EBF4: variants seen among roughly 807,000 people sequenced by gnomAD.
EBF4 encodes transcription factor COE4.
Under a neutral mutation model 67.1 loss-of-function variants are expected in EBF4, and 34 were observed. The ratio of observed to expected loss-of-function variants is 0.51; its 90% CI spans 0.39 to 0.67. The LOEUF (loss-of-function observed/expected upper bound fraction) is 0.67. EBF4 is among the 30% of genes least tolerant of loss of function. The probability of loss-of-function intolerance (pLI) is 0.00; values close to 1 mark genes in which losing one functional copy is unlikely to be tolerated. For missense variants in EBF4, 837 were observed against 873.3 expected (o/e 0.96, Z 0.52); for synonymous variants, 387 against 377.7 (o/e 1.02, Z -0.29).
At chr20:2,760,102 G>A (rs1207276400), downstream of EBF4, 3 of 152,208 alleles carry the variant, frequency 2.0e-5, no homozygotes, top group African/African-American at 7.2e-5. This position sits in a 1 kb window ranked among gnomAD's most constrained non-coding sequence, Gnocchi z 4.2. Flanking sequence ...CTGCCTCCTT[G>A]GTGTGAGTTT....
chr20:2,721,821 T>C (rs980085693), intron 6 of EBF4, among the ~76,000 whole-genome samples: 4 of 152,356 alleles, frequency 2.6e-5, no homozygotes, highest in African/African-American at 9.6e-5. Context: ...ATTTTTCTGC[T>C]GATTCTAACA....
chr20:2,693,641 C>T lies in EBF4; in HGVS notation c.-5C>T, dbSNP rs2087244170. ...GGCGGGGGCGCTCACTCACCGCGCG[C>T]CCTCATGTTCCCTGCGCAGGACGCT... On this transcript the variant is annotated 5_prime_UTR_variant, in exon 1 of 17. Coordinates refer to ENST00000609451, the Ensembl canonical transcript of EBF4. This position sits in a 1 kb window ranked among gnomAD's most constrained non-coding sequence, Gnocchi z 4.6. The T allele has an allele frequency of 1.4e-6, 2 of 1,411,914 alleles. No homozygotes were observed. Among genetic ancestry groups the T allele is most frequent in the Non-Finnish European group, 1.8e-6 (2 of 1,087,466 alleles). The allele number at this position is 1,411,914 out of a possible 1,614,324, so 87.5% of individuals were successfully genotyped here.
rs1186375702 is a variant in EBF4 at position 2,752,294 on chromosome 20, G to C, written c.1351+31G>C. The C allele has an allele frequency of 1.1e-5, 13 of 1,209,552 alleles. No homozygotes were observed. The South Asian group carries it at 2.7e-4, about 25-fold the overall frequency. 74.9% of individuals were successfully genotyped at this position (1,209,552 alleles called of 1,614,324 possible). Reference sequence around the variant, plus strand: ...TGGGCCGCGCCTCCCCGCCGTCCTCGGGCGCCGCCACCGCCCCTCCCCGGC... The same window carrying C: ...TGGGCCGCGCCTCCCCGCCGTCCTCCGGCGCCGCCACCGCCCCTCCCCGGC... On this transcript the variant is annotated intron_variant, in intron 13 of 16. Coordinates refer to ENST00000609451, the Ensembl canonical transcript of EBF4.
chr20:2,751,579 T>C lies in EBF4; in HGVS notation c.1019-121T>C. 2 of 987,256 alleles carry C rather than the reference T, an allele frequency of 2.0e-6. No homozygotes were observed. Among genetic ancestry groups the C allele is most frequent in the Non-Finnish European group, 3.0e-6 (2 of 656,170 alleles). 61.2% of individuals were successfully genotyped at this position (987,256 alleles called of 1,614,324 possible). On this transcript the variant is annotated intron_variant, in intron 10 of 16. Coordinates refer to ENST00000609451, the Ensembl canonical transcript of EBF4. The surrounding 1 kb of genome is among the most constrained non-coding windows in gnomAD (Gnocchi z 5.2). ...TCCGGGGGACTTGGGCTGGGCCTGG[T>C]GGAGGGGGCTGCAGCGAGGCTCTCG...
intron 1 of EBF4, among the ~76,000 whole-genome samples, chr20:2,694,451 A>G (rs2087259596): frequency 6.6e-6 from 1 of 152,164 alleles, no homozygotes; most frequent in Non-Finnish European, 1.5e-5. Context: ...ACTCCTTTGC[A>G]GGGGTCTGGG....
At chr20:2,713,303 A>G (rs1397019057) in intron 6 of EBF4, among the ~76,000 whole-genome samples, 1 of 152,238 alleles carries the variant, frequency 6.6e-6, no homozygotes, top group Non-Finnish European at 1.5e-5. Flanking sequence ...AGCAGGGAAG[A>G]CAGAGACATG....
chr20:2,748,460 G>C, intron 6 of EBF4, 89 bp from the exon 7 acceptor site: 2 of 1,293,088 alleles, frequency 1.5e-6, no homozygotes, highest in Non-Finnish European at 2.2e-6. Context: ...GACTCATCCT[G>C]TGGGGAGGGG....
chr20:2,711,847 T>C (rs1237455502), intron 6 of EBF4, among the ~76,000 whole-genome samples: 1 of 152,008 alleles, frequency 6.6e-6, no homozygotes, highest in Non-Finnish European at 1.5e-5. Context: ...TGGGAGTGCC[T>C]AGGAAGGAAG....
At chr20:2,704,719 C>T (rs2087426631) in intron 1 of EBF4, among the ~76,000 whole-genome samples, 1 of 152,222 alleles carries the variant, frequency 6.6e-6, no homozygotes, top group South Asian at 2.1e-4. Flanking sequence ...TGGGGGGCAC[C>T]TGCCCCTTTG....
intron 6 of EBF4, among the ~76,000 whole-genome samples, chr20:2,710,787 G>A (rs1195022695): frequency 6.6e-6 from 1 of 152,140 alleles, no homozygotes; most frequent in Non-Finnish European, 1.5e-5. Flanking sequence ...GAGATAGTCT[G>A]TGCATATACA....
intron 6 of EBF4, among the ~76,000 whole-genome samples, chr20:2,732,569 A>G (rs184156284): frequency 1.1e-4 from 16 of 152,198 alleles, no homozygotes; most frequent in Non-Finnish European, 1.9e-4. Context: ...TCTTTCAGTT[A>G]GGGTTCACAT....
intron 6 of EBF4, among the ~76,000 whole-genome samples, chr20:2,746,494 A>C (rs1263995097): frequency 3.3e-5 from 5 of 152,110 alleles, no homozygotes; most frequent in Non-Finnish European, 7.4e-5. Context: ...ATCTCTAGGA[A>C]GGTGACTGCC....
At chr20:2,709,014 C>G (rs575555661) in intron 5 of EBF4, among the ~76,000 whole-genome samples, 1 of 152,034 alleles carries the variant, frequency 6.6e-6, no homozygotes, top group African/African-American at 2.4e-5. Context: ...GGTGAAACCC[C>G]GTCTCTACCA....
intron 14 of EBF4, 56 bp downstream of exon 14, chr20:2,752,601 C>T: frequency 8.4e-7 from 1 of 1,196,020 alleles, no homozygotes; most frequent in Non-Finnish European, 1.0e-6. Flanking sequence ...GAACGGGACT[C>T]AGCCCCGCCC....
rs369959553 is a variant in EBF4 at position 2,718,870 on chromosome 20, G to GCTTAAAATCTTTCATTTTTGT, written c.557+9237_557+9257dup. ...TCTTAAGGTGGAAGCTAAGTTATTG[G>GCTTAAAATCTTTCATTTTTGT]CTTAAAATCTTTCATTTTTGTCTTA... On this transcript the variant is annotated intron_variant, in intron 6 of 16. Coordinates refer to ENST00000609451, the Ensembl canonical transcript of EBF4. 1.6e-3 allele frequency among the ~76,000 whole-genome samples: 241 copies of GCTTAAAATCTTTCATTTTTGT among 152,148 alleles called. 1 individual carries two copies. Among genetic ancestry groups the GCTTAAAATCTTTCATTTTTGT allele is most frequent in the African/African-American group, 5.6e-3 (232 of 41,490 alleles).
chr20:2,710,631 C>T (rs1310434696), intron 6 of EBF4, among the ~76,000 whole-genome samples: 4 of 151,656 alleles, frequency 2.6e-5, no homozygotes, highest in African/African-American at 4.9e-5. Flanking sequence ...TCTTATTCTC[C>T]TTTTAATAGA....
intron 6 of EBF4, among the ~76,000 whole-genome samples, chr20:2,744,492 C>CTTTTTTTTTTTTTTTTTTTCTTTTTTTT (rs35298353): frequency 8.6e-6 from 1 of 115,892 alleles, no homozygotes; most frequent in Non-Finnish European, 1.7e-5. Context: ...TTTTTCTTTT[C>CTTTTTTTTTTTTTTTTTTTCTTTTTTTT]TTTTTTTTTT....
At chr20:2,758,938 C>T (rs1202109585) in exon 16 of EBF4, 4 of 1,551,686 alleles carry the variant, frequency 2.6e-6, no homozygotes, top group East Asian at 2.4e-5. Context: ...TGACAAGTTT[C>T]ACTCTCCAGC....
At chr20:2,758,794 C>A in intron 15 of EBF4, 115 bp from the exon 16 acceptor site, 1 of 903,342 alleles carries the variant, frequency 1.1e-6, no homozygotes, top group Non-Finnish European at 1.8e-6. Flanking sequence ...GGATGGCTGA[C>A]TGCCTTCAGA....
Sources: gnomAD v4.1 joint callset for allele counts (sites outside exome capture counted in the v4.1 genomes callset) on GRCh38, gnomAD v4.1.1 for gene constraint, Gnocchi (gnomAD v3.1) non-coding constraint, MANE v1.5 for transcripts, NCBI Gene and HGNC (gene_info 2026-07-23, HGNC 2026-07-21) for gene names.